PLCH1: variants seen among roughly 807,000 people sequenced by gnomAD.
The protein encoded by PLCH1 is phospholipase C eta 1.
PLCH1 carries 60 observed loss-of-function variants against 126.7 expected under a neutral mutation model. The observed-to-expected ratio is 0.47, with a 90% CI of 0.38 to 0.59. The LOEUF (loss-of-function observed/expected upper bound fraction) is 0.59. PLCH1 is among the 20% of genes least tolerant of loss of function. The probability of loss-of-function intolerance (pLI) is 0.00; values close to 1 mark genes in which losing one functional copy is unlikely to be tolerated. For missense variants in PLCH1, 1,723 were observed against 2,040.0 expected, an observed-to-expected ratio of 0.84 and a Z score of 2.99; for synonymous variants, 719 against 734.9, an observed-to-expected ratio of 0.98 and a Z score of 0.35.
chr3:155,584,685 C>T (rs766625371), intron 5 of PLCH1, among the ~76,000 whole-genome samples: 1 of 152,176 alleles, frequency 6.6e-6, no homozygotes, highest in African/African-American at 2.4e-5. Context: ...GAAGTACACT[C>T]AACTGTTATA....
At chr3:155,565,192 G>C in intron 7 of PLCH1, 74 bp from the exon 8 acceptor site, 1 of 940,614 alleles carries the variant, frequency 1.1e-6, no homozygotes. Flanking sequence ...GGGGCAAAAG[G>C]GGTCAAAAAA....
chr3:155,471,542 C>T lies in PLCH1; in HGVS notation c.2938+13814G>A, dbSNP rs530588098. On this transcript the variant is annotated intron_variant, in intron 21 of 21. Transcript: ENST00000494598. ...ACGAGACAGAAAGTCAACAAGGATACCCAGGAATTGAACTCAGCTCTGCAC... is the reference window on the plus strand; with the variant it reads ...ACGAGACAGAAAGTCAACAAGGATATCCAGGAATTGAACTCAGCTCTGCAC... 2.9e-3 allele frequency among the ~76,000 whole-genome samples: 422 copies of T among 146,030 alleles called. 1 individual carries two copies. The highest frequency in any genetic ancestry group is 9.6e-3 in the African/African-American group (375 of 39,088).
chr3:155,655,165 G>A (rs1256720640), intron 2 of PLCH1, among the ~76,000 whole-genome samples: 1 of 152,126 alleles, frequency 6.6e-6, no homozygotes, highest in Non-Finnish European at 1.5e-5. Context: ...GCTAGGTGTG[G>A]TGGCTCATGC....
intron 2 of PLCH1, among the ~76,000 whole-genome samples, chr3:155,679,680 A>C (rs1744358567): frequency 6.6e-6 from 1 of 152,208 alleles, no homozygotes; most frequent in Non-Finnish European, 1.5e-5. Flanking sequence ...CAGAAAACCT[A>C]CTGACGCAAA....
chr3:155,504,728 T>G (rs528643281), intron 12 of PLCH1, 102 bp from the exon 13 acceptor site: 5 of 716,928 alleles, frequency 7.0e-6, no homozygotes, highest in African/African-American at 5.3e-5. Flanking sequence ...CTCTTCTGTT[T>G]GCCTCTAGGT....
chr3:155,709,232 C>G (rs358729), intron 1 of PLCH1, among the ~76,000 whole-genome samples: 82,842 of 152,104 alleles, frequency 0.54, 25,425 homozygotes, highest in African/African-American at 0.83. Flanking sequence ...AAATACAGAT[C>G]CTGCAAACAT....
chr3:155,681,140 T>C (rs1441491657), intron 2 of PLCH1, among the ~76,000 whole-genome samples: 1 of 152,226 alleles, frequency 6.6e-6, no homozygotes, highest in African/African-American at 2.4e-5. Context: ...TACTATATTT[T>C]GATTATTTAG....
At chr3:155,659,102 T>C (rs6441008) in intron 2 of PLCH1, among the ~76,000 whole-genome samples, 10,803 of 152,086 alleles carry the variant, frequency 0.071, 414 homozygotes, top group Middle Eastern at 0.11. Context: ...AACCCATCAG[T>C]AACGGGGAAC....
rs569181845 is a variant in PLCH1, at chr3:155,678,689, C to G, written c.79+25457G>C. ...GACTTTGGGGACAATGGTGCTTCCT[C>G]TGATGGGTCACCTCAACAACCTTAC... is the stretch of plus-strand genomic sequence containing the variant. On this transcript the variant is annotated intron_variant, in intron 2 of 22. Coordinates refer to ENST00000460012, the MANE Select transcript of PLCH1 (RefSeq NM_014996.4). 5.9e-5 allele frequency among the ~76,000 whole-genome samples: 9 copies of G among 152,296 alleles called. No homozygotes were observed. In the South Asian group the frequency reaches 1.7e-3, roughly 28 times the overall value.
intron 2 of PLCH1, among the ~76,000 whole-genome samples, chr3:155,697,299 C>A (rs1184402611): frequency 6.6e-6 from 1 of 152,140 alleles, no homozygotes; most frequent in Non-Finnish European, 1.5e-5. Flanking sequence ...TGAACAAGGA[C>A]CTGCCTAGAG....
Position 155,488,049 on chromosome 3 carries a change from G to A in PLCH1, c.2598C>T (p.Thr866=). The A allele has an allele frequency of 6.3e-7, 1 of 1,597,560 alleles. No homozygotes were observed. The highest frequency in any genetic ancestry group is 8.6e-7 in the Non-Finnish European group (1 of 1,164,950). ...TCACCTTTCCATAGATTTCATTGATGGTTATGTGTACAAATATGGATGCTT... is the reference window on the plus strand; with the variant it reads ...TCACCTTTCCATAGATTTCATTGATAGTTATGTGTACAAATATGGATGCTT... The part of the protein sequence containing the change: ...LTEASIFVHI[T]INEIYGKNRQ... The change falls in exon 21 of 23, where the codon ACC becomes ACT. Residue 866 remains threonine, a synonymous_variant. Transcript: ENST00000460012.
At chr3:155,469,481 C>T (rs1353944763) in intron 21 of PLCH1, among the ~76,000 whole-genome samples, 26 of 151,604 alleles carry the variant, frequency 1.7e-4, no homozygotes, top group East Asian at 5.8e-4. Context: ...AACTGCAAGG[C>T]GGCAGCGAGG....
chr3:155,741,684 C>CTTTTATTTTTTTTTATTTTTA, intron 1 of PLCH1, among the ~76,000 whole-genome samples: 33 of 102,866 alleles, frequency 3.2e-4, no homozygotes, highest in Non-Finnish European at 5.1e-4. Context: ...TTTATATCCT[C>CTTTTATTTTTTTTTATTTTTA]TTTTTTTTTT....
In PLCH1 at chr3:155,480,061, G is replaced by C. The variant is rs1426533922; in HGVS notation, c.*907C>G. On this transcript the variant is annotated 3_prime_UTR_variant, in exon 23 of 23. Transcript: ENST00000460012. ...GTTGCTTGGTTCCCTGAAGGAAAAG[G>C]GTTTCTTCTAATTATCTGTTCACTT... is the stretch of plus-strand genomic sequence containing the variant. 1 of 152,426 alleles carries C rather than the reference G, an allele frequency of 6.6e-6. No individual in the cohort carries two copies. Among genetic ancestry groups the C allele is most frequent in the Non-Finnish European group, 1.5e-5 (1 of 68,006 alleles). The allele number at this position is 152,426 out of a possible 1,614,324, so 9.4% of individuals were successfully genotyped here.
chr3:155,609,616 G>A (rs1734790070), intron 2 of PLCH1, among the ~76,000 whole-genome samples: 1 of 151,984 alleles, frequency 6.6e-6, no homozygotes, highest in African/African-American at 2.4e-5. Context: ...AGATACCAGA[G>A]AAAGGTGAAA....
intron 12 of PLCH1, 78 bp from the exon 13 acceptor site, chr3:155,504,704 G>C (rs903011270): frequency 2.1e-6 from 2 of 937,038 alleles, no homozygotes; most frequent in African/African-American, 3.3e-5. Context: ...GGAATAGCAA[G>C]GGGGCCCTCT....
chr3:155,552,806 T>C (rs1264897565), intron 9 of PLCH1, among the ~76,000 whole-genome samples: 1 of 152,126 alleles, frequency 6.6e-6, no homozygotes, highest in African/African-American at 2.4e-5. Context: ...AGCACCAGTG[T>C]TGAGGATGAA....
In PLCH1 at chr3:155,584,125, A is replaced by C. The variant is rs531934985; in HGVS notation, c.601-483T>G. On this transcript the variant is annotated intron_variant, in intron 5 of 22. Transcript: ENST00000460012. The stretch of plus-strand genomic sequence containing the variant: ...AGCGAGGAAAATAAATTATAAACAA[A>C]AGCAAAAAGTAATAAAATAGAAAAC... Among the ~76,000 whole-genome samples, 4 of 152,262 alleles carry C rather than the reference A, an allele frequency of 2.6e-5. No individual in the cohort carries two copies. The East Asian group carries it at 7.7e-4, about 29-fold the overall frequency.
rs1459835087 is a variant in PLCH1, at chr3:155,596,448, G to C, written c.80-70C>G. The C allele has an allele frequency of 5.3e-6, 7 of 1,329,212 alleles. No homozygotes were observed. In the African/African-American group the frequency reaches 1.0e-4, roughly 20 times the overall value. The allele number at this position is 1,329,212 out of a possible 1,614,324, so 82.3% of individuals were successfully genotyped here. A position where few individuals can be genotyped will look rare whatever the true frequency, so the allele number is the denominator to read the frequency against. On this transcript the variant is annotated intron_variant, in intron 2 of 22. Transcript: ENST00000460012. ...GGCATACTGGTGTCCAGGTTTTAGA[G>C]TCAAATAAAACCTCTGATTCACCTG...
Sources: allele counts gnomAD v4.1 joint callset (sites outside exome capture counted in the v4.1 genomes callset), GRCh38; gene constraint gnomAD v4.1.1; transcripts MANE v1.5; gene names NCBI Gene and HGNC (gene_info 2026-07-23, HGNC 2026-07-21).